Variants in CDK11A observed in about 807,000 individuals in gnomAD.
CDK11A encodes the protein cyclin dependent kinase 11A.
In CDK11A, 55 loss-of-function variants were observed where a neutral mutation model predicts 83.6. The observed-to-expected ratio is 0.66, with a 90% CI of 0.53 to 0.82. The LOEUF is 0.82. Among genes scored for constraint, CDK11A ranks in the 40% least tolerant of loss-of-function variants. The pLI is 0.00. For synonymous variants in CDK11A, 247 were observed against 302.7 expected, an observed-to-expected ratio of 0.82 and a Z score of 1.91; for missense variants, 564 against 810.1, an observed-to-expected ratio of 0.70 and a Z score of 3.69.
At chr1:1,714,872 G>A (rs1323170189) in intron 5 of CDK11A, among the ~76,000 whole-genome samples, 1 of 148,144 alleles carries the variant, frequency 6.8e-6, no homozygotes, top group African/African-American at 2.5e-5. Flanking sequence ...TCTGCTGCAC[G>A]TCTTTGGCGG....
chr1:1,707,068 G>A (rs1260212669), intron 11 of CDK11A, among the ~76,000 whole-genome samples: 2 of 143,060 alleles, frequency 1.4e-5, no homozygotes, highest in East Asian at 2.0e-4. Context: ...TACATAACCC[G>A]CCCACGCAGG....
chr1:1,703,756 C>A, intron 17 of CDK11A, 68 bp downstream of exon 17: 1 of 1,583,390 alleles, frequency 6.3e-7, no homozygotes, highest in Non-Finnish European at 8.6e-7. Flanking sequence ...AGCACCTGTG[C>A]GCCCCGCAGC....
chr1:1,718,413 TAG>T (rs1034711956), intron 4 of CDK11A, among the ~76,000 whole-genome samples: 15 of 150,206 alleles, frequency 1.0e-4, no homozygotes, highest in African/African-American at 3.7e-4. Flanking sequence ...GGCTTTTAGC[TAG>T]AGTTTGCTCT....
At position 1,719,523 on chromosome 1, in the gene CDK11A, G is replaced by C. The variant is rs1644818865; in HGVS notation, c.228-68C>G. 30 of 1,258,836 alleles carry C rather than the reference G, an allele frequency of 2.4e-5. 1 individual carries two copies. Among genetic ancestry groups the C allele is most frequent in the Admixed American group, 3.2e-5 (1 of 31,366 alleles). The allele number at this position is 1,258,836 out of a possible 1,614,324, so 78.0% of individuals were successfully genotyped here. ...GCGGAAAAGCATCAGGCTATTATGA[G>C]GTTTTTTCAACCCAGAAAAATGCAT... is the stretch of plus-strand genomic sequence containing the variant. On this transcript the variant is annotated intron_variant, in intron 3 of 19. Transcript: ENST00000404249.
chr1:1,719,538 G>C, intron 3 of CDK11A, 83 bp from the exon 4 acceptor site: 3 of 1,063,376 alleles, frequency 2.8e-6, no homozygotes, highest in East Asian at 3.6e-5. Context: ...TTTCAACCCA[G>C]AAAAATGCAT....
At chr1:1,716,109 C>A (rs1457012425) in intron 5 of CDK11A, among the ~76,000 whole-genome samples, 3 of 150,710 alleles carry the variant, frequency 2.0e-5, no homozygotes, top group East Asian at 3.9e-4. Context: ...GATTTCTGAT[C>A]CCTTCATTGT....
intron 4 of CDK11A, among the ~76,000 whole-genome samples, chr1:1,718,301 C>A (rs36135823): frequency 7.7e-6 from 1 of 129,772 alleles, no homozygotes; most frequent in South Asian, 2.5e-4. Context: ...CGCATGCTTT[C>A]AGCTAGAGTA....
chr1:1,708,590 G>A (rs1484336095), intron 9 of CDK11A, among the ~76,000 whole-genome samples: 52 of 133,108 alleles, frequency 3.9e-4, no homozygotes, highest in African/African-American at 1.1e-3. Context: ...GCAGTGAGCC[G>A]AGATCATGCC....
At chr1:1,703,041 C>G in intron 19 of CDK11A, 39 bp downstream of exon 19, 1 of 407,290 alleles carries the variant, frequency 2.5e-6, no homozygotes, top group Non-Finnish European at 4.2e-6. Context: ...CCCAAGCCAG[C>G]CCCACCTGTG....
At chr1:1,704,479 CTG>C (rs1439654382) in intron 14 of CDK11A, 69 bp downstream of exon 14, 1 of 1,556,444 alleles carries the variant, frequency 6.4e-7, no homozygotes, top group East Asian at 2.4e-5. Flanking sequence ...CCCTGCAGCA[CTG>C]TCACCGCGGG....
chr1:1,704,229 G>A lies in CDK11A; in HGVS notation c.1680C>T (p.Ile560=), dbSNP rs1439957213. 2 of 1,608,372 alleles carry A rather than the reference G, an allele frequency of 1.2e-6. No individual in the cohort carries two copies. The highest frequency in any genetic ancestry group is 2.7e-5 in the African/African-American group (2 of 74,458). Residue 560 remains isoleucine (I), a synonymous_variant, in exon 15 of 20, where the codon ATC becomes ATT. Transcript: ENST00000404249. ...TSNLLLSHAG[I]LKVGDFGLAR... ...CACTCGGAGGGGGGCTCACCTTGAGGATGCCGGCGTGGCTCAGCAGCAGGT... is the reference window on the plus strand; with the variant it reads ...CACTCGGAGGGGGGCTCACCTTGAGAATGCCGGCGTGGCTCAGCAGCAGGT...
chr1:1,719,366 T>A lies in CDK11A; in HGVS notation c.317A>T (p.Lys106Ile), dbSNP rs1416608708. 1 of 1,537,396 alleles carries A rather than the reference T, an allele frequency of 6.5e-7. No individual in the cohort carries two copies. The highest frequency in any genetic ancestry group is 1.3e-5 in the South Asian group (1 of 79,588). Residue 106 changes from lysine (K) to isoleucine (I), a missense_variant, in exon 4 of 20, where the codon AAA (lysine) becomes ATA (isoleucine). Around this residue, in one of 5 missense-constraint regions of CDK11A, gnomAD observed 151 missense variants for 147.4 expected, o/e 1.02. Coordinates refer to ENST00000404249, the MANE Select transcript of CDK11A (RefSeq NM_024011.4). ...KVHHRKDEKR[K>I]EKCRHHSHSA... ...ATGGCTATGATGCCTACATTTTTCTTTTCTCTTTTCATCTTTTCTGTGATG... is the reference window on the plus strand; with the variant it reads ...ATGGCTATGATGCCTACATTTTTCTATTCTCTTTTCATCTTTTCTGTGATG...
chr1:1,722,671 T>C lies in CDK11A; in HGVS notation c.111+37A>G, dbSNP rs371669481. The C allele has an allele frequency of 4.2e-4, 642 of 1,534,584 alleles. 17 individuals are homozygous for C. Among genetic ancestry groups the C allele is most frequent in the Non-Finnish European group, 4.7e-4 (530 of 1,136,406 alleles). On this transcript the variant is annotated intron_variant, in intron 2 of 19. Coordinates refer to ENST00000404249, the MANE Select transcript of CDK11A (RefSeq NM_024011.4). ...ATGAGGGCAAAGAAATTAAATCTCC[T>C]TTAAGAAAACCACTTACTTAAAAAA...
rs1644910554 is a variant in CDK11A, at chr1:1,721,632, T to C, written c.191A>G (p.Asn64Ser). 2 of 1,606,468 alleles carry C rather than the reference T, an allele frequency of 1.2e-6. No homozygotes were observed. The highest frequency in any genetic ancestry group is 3.4e-5 in the Admixed American group (2 of 59,674). ...RDHCMEITIR[N>S]SPYRREDSME... ...TGAGTCTTCTCTTCTATACGGGGAG[T>C]TCCTTATTGTGATCTCCATGCAGTG... Residue 64 changes from asparagine (N) to serine (S), a missense_variant, in exon 3 of 20, where the codon AAC (asparagine) becomes AGC (serine). Around this residue, in one of 5 missense-constraint regions of CDK11A, gnomAD observed 151 missense variants for 147.4 expected, o/e 1.02. Transcript: ENST00000404249.
chr1:1,715,479 G>A (rs945319105), intron 5 of CDK11A, among the ~76,000 whole-genome samples: 11 of 149,272 alleles, frequency 7.4e-5, no homozygotes, highest in South Asian at 6.4e-4. Context: ...GGCACAGGGC[G>A]TGGCATACAT....
Position 1,704,609 on chromosome 1 carries a change from T to G in CDK11A, c.1505A>C (p.Asn502Thr). Reference sequence around the variant, plus strand: ...GCTCTTGAGGTCGTGCTCCACGTAGTTCATCACGATGTAGATCTTGTCCAT... The same window carrying G: ...GCTCTTGAGGTCGTGCTCCACGTAGGTCATCACGATGTAGATCTTGTCCAT... ...SNMDKIYIVM[N>T]YVEHDLKSLM... Residue 502 changes from asparagine to threonine, a missense_variant, in exon 14 of 20, where the codon AAC (asparagine) becomes ACC (threonine). Asn to Thr is a moderately conservative substitution (Grantham distance 65, BLOSUM62 0). This residue lies in a region of CDK11A where 361 missense variants were observed against 402.7 expected (regional missense o/e 0.90). Transcript: ENST00000404249. 1 of 1,600,112 alleles carries G rather than the reference T, an allele frequency of 6.2e-7. No homozygotes were observed. Among genetic ancestry groups the G allele is most frequent in the Non-Finnish European group, 8.5e-7 (1 of 1,172,620 alleles).
chr1:1,707,813 G>A (rs1401279225), intron 10 of CDK11A, among the ~76,000 whole-genome samples: 2 of 136,786 alleles, frequency 1.5e-5, no homozygotes, highest in Non-Finnish European at 3.0e-5. Context: ...GGTGTCATGT[G>A]GGGGACAAGC....
rs1644192791 is a variant in CDK11A at position 1,703,945 on chromosome 1, G to C, written c.1795-5C>G. 1.4e-5 allele frequency: 22 copies of C among 1,609,396 alleles called. 1 individual carries two copies. The highest frequency in any genetic ancestry group is 1.9e-5 in the Non-Finnish European group (22 of 1,176,888). On this transcript the variant is annotated splice_polypyrimidine_tract_variant and splice_region_variant and intron_variant, in intron 16 of 19. Transcript: ENST00000404249. ...GTCCACGGCCGTGGAGTATTCCTAA[G>C]ACGCCAGGAGAGGTGTTCAGGAAGG... is the stretch of plus-strand genomic sequence containing the variant.
rs1490738271 is a variant in CDK11A, at chr1:1,704,798, T to C, written c.1458+106A>G. On this transcript the variant is annotated intron_variant, in intron 13 of 19. Transcript: ENST00000404249. ...TGCTTCTGTGTGGTCTGTGAAGGGC[T>C]CCACTAAGTGCAGGAGAGTGTAGGA... 4 of 1,596,644 alleles carry C rather than the reference T, an allele frequency of 2.5e-6. 1 individual carries two copies. In the South Asian group the frequency reaches 4.5e-5, roughly 18 times the overall value.
Sources: gnomAD v4.1 joint callset for allele counts (sites outside exome capture counted in the v4.1 genomes callset) on GRCh38, gnomAD v4.1.1 for gene constraint, gnomAD v4.1.1 regional missense constraint, MANE v1.5 for transcripts, NCBI Gene and HGNC (gene_info 2026-07-23, HGNC 2026-07-21) for gene names.